OR4F16: variants seen among roughly 807,000 people sequenced by gnomAD.
The protein encoded by OR4F16 is olfactory receptor family 4 subfamily F member 16.
At chr1:710,093 A>AG in the OR4F16 span, among the ~76,000 whole-genome samples, 3 of 142,600 alleles carry the variant, frequency 2.1e-5, no homozygotes, top group Non-Finnish European at 4.6e-5. Flanking sequence ...AAAGGATAAG[A>AG]GGGATAGCAG....
chr1:701,368 G>A, the OR4F16 span, among the ~76,000 whole-genome samples: 8 of 149,788 alleles, frequency 5.3e-5, no homozygotes, highest in East Asian at 2.0e-4. Context: ...GAAAAATACC[G>A]AAAAAGTTTG....
the OR4F16 span, among the ~76,000 whole-genome samples, chr1:680,118 A>G: frequency 9.0e-6 from 1 of 110,668 alleles, no homozygotes. Context: ...CAAAAACCAC[A>G]TGCTTCTCTC....
the OR4F16 span, among the ~76,000 whole-genome samples, chr1:701,630 C>T: frequency 1.0e-3 from 148 of 147,316 alleles, 1 homozygote; most frequent in African/African-American, 3.8e-3. Context: ...TTTGCTGGAA[C>T]ATGGATGGAC....
chr1:715,512 G>C, the OR4F16 span, among the ~76,000 whole-genome samples: 7 of 46,134 alleles, frequency 1.5e-4, no homozygotes, highest in South Asian at 1.4e-3. Context: ...GAAAAGGAAG[G>C]CTTCAAATTA....
At chr1:717,188 AT>A in the OR4F16 span, among the ~76,000 whole-genome samples, 1 of 149,640 alleles carries the variant, frequency 6.7e-6, no homozygotes, top group Non-Finnish European at 1.5e-5. Flanking sequence ...AATATGTACA[AT>A]TATTTGTCTC....
At chr1:690,033 C>T (rs1251626840), upstream of OR4F16, among the ~76,000 whole-genome samples, 6 of 131,456 alleles carry the variant, frequency 4.6e-5, no homozygotes, top group East Asian at 3.4e-4. Context: ...GGGGATGCTA[C>T]GGACTGTGAC....
chr1:702,060 C>T, the OR4F16 span: 4 of 145,646 alleles, frequency 2.7e-5, no homozygotes, highest in Non-Finnish European at 4.5e-5. Flanking sequence ...TGAGACCCAC[C>T]ACTGGCTGGA....
At chr1:714,206 ATGGTT>A in the OR4F16 span, among the ~76,000 whole-genome samples, 1 of 64,506 alleles carries the variant, frequency 1.6e-5, no homozygotes, top group African/African-American at 5.4e-5. Context: ...ATGTACAATT[ATGGTT>A]TGTCAAATGA....
the OR4F16 span, among the ~76,000 whole-genome samples, chr1:717,635 TCTG>T: frequency 8.0e-5 from 2 of 25,090 alleles, no homozygotes; most frequent in African/African-American, 1.9e-4. Context: ...GGTTTGTAAC[TCTG>T]CTTTTTATTT....
upstream of OR4F16, among the ~76,000 whole-genome samples, chr1:691,262 T>C (rs1269438936): frequency 2.6e-5 from 4 of 152,018 alleles, no homozygotes; most frequent in Non-Finnish European, 5.9e-5. Context: ...CCTACATAAG[T>C]GACTTTCAAG....
the OR4F16 span, among the ~76,000 whole-genome samples, chr1:693,026 GTGTAAGAGTGCATAAGGTCCC>G: frequency 1.7e-5 from 2 of 116,180 alleles, no homozygotes; most frequent in African/African-American, 7.4e-5. Context: ...ATAGACGGAT[GTGTAAGAGTGCATAAGGTCCC>G]TGAAGGAAAT....
At chr1:702,252 C>T in the OR4F16 span, 2 of 124,656 alleles carry the variant, frequency 1.6e-5, no homozygotes, top group Admixed American at 1.7e-4. Flanking sequence ...GAGGCTGAGG[C>T]AGGAGAATCG....
At chr1:690,065 G>A (rs1360635598), upstream of OR4F16, among the ~76,000 whole-genome samples, 2 of 129,546 alleles carry the variant, frequency 1.5e-5, no homozygotes, top group African/African-American at 6.4e-5. Context: ...TTTAAAGGGG[G>A]AGAGAAAGGG....
the OR4F16 span, among the ~76,000 whole-genome samples, chr1:712,179 C>A: frequency 1.8e-5 from 1 of 57,062 alleles, no homozygotes; most frequent in Middle Eastern, 7.9e-3. Flanking sequence ...GACCATTTGG[C>A]CAGAATTTAT....
upstream of OR4F16, among the ~76,000 whole-genome samples, chr1:690,903 A>AC (rs753017076): frequency 2.7e-5 from 4 of 148,146 alleles, no homozygotes; most frequent in Non-Finnish European, 5.9e-5. Flanking sequence ...GCAGAGAAAA[A>AC]TTATAATGTT....
At chr1:712,043 GTATTATATATATTATATATC>G in the OR4F16 span, 4 of 33,672 alleles carry the variant, frequency 1.2e-4, no homozygotes, top group Admixed American at 6.9e-4. Context: ...TATTATATAT[GTATTATATATATTATATATC>G]TATTATATAT....
chr1:718,571 T>C, the OR4F16 span, among the ~76,000 whole-genome samples: 3 of 87,066 alleles, frequency 3.4e-5, no homozygotes, highest in African/African-American at 6.4e-5. Flanking sequence ...GACATTTTTC[T>C]AGGCCTAGGA....
At chr1:710,283 AAAC>A in the OR4F16 span, among the ~76,000 whole-genome samples, 3 of 124,726 alleles carry the variant, frequency 2.4e-5, no homozygotes, top group African/African-American at 8.3e-5. Context: ...AAAAATGAGA[AAAC>A]AAAAAAGTAG....
the OR4F16 span, among the ~76,000 whole-genome samples, chr1:717,332 G>A: frequency 2.0e-5 from 3 of 151,010 alleles, no homozygotes; most frequent in Non-Finnish European, 2.9e-5. Context: ...GCAGGCAGTG[G>A]ATTATATATT....
Sources: gnomAD v4.1 joint callset for allele counts (sites outside exome capture counted in the v4.1 genomes callset) on GRCh38, gnomAD v4.1.1 for gene constraint, MANE v1.5 for transcripts, NCBI Gene and HGNC (gene_info 2026-07-23, HGNC 2026-07-21) for gene names.